Variants in ASPH observed in about 807,000 individuals in gnomAD.
ASPH encodes aspartyl/asparaginyl beta-hydroxylase.
Under a neutral mutation model 118.4 loss-of-function variants are expected in ASPH, and 100 were observed. The ratio of observed to expected loss-of-function variants is 0.84; its 90% CI spans 0.72 to 1.00. The LOEUF (loss-of-function observed/expected upper bound fraction) is 1.00. Ranked by LOEUF, ASPH falls within the 50% of genes least tolerant of loss-of-function variation. The probability of loss-of-function intolerance (pLI) is 0.00; values close to 1 mark genes in which losing one functional copy is unlikely to be tolerated. For missense variants in ASPH, 920 were observed against 919.5 expected, an observed-to-expected ratio of 1.00 and a Z score of -0.01; for synonymous variants, 315 against 325.6, an observed-to-expected ratio of 0.97 and a Z score of 0.35.
At chr8:61,669,574 C>T (rs377753272) in intron 3 of ASPH, among the ~76,000 whole-genome samples, 21 of 152,280 alleles carry the variant, frequency 1.4e-4, no homozygotes, top group African/African-American at 4.8e-4. Context: ...TATTTCCAAT[C>T]ACTCTCCACT....
chr8:61,712,427 T>TTGCGGATA, intron 1 of ASPH, among the ~76,000 whole-genome samples: 1 of 152,336 alleles, frequency 6.6e-6, no homozygotes, highest in East Asian at 1.9e-4. Flanking sequence ...AAAGAAAAGG[T>TTGCGGATA]TGCGGATATG....
intron 16 of ASPH, among the ~76,000 whole-genome samples, chr8:61,575,817 A>T (rs1004503411): frequency 6.6e-6 from 1 of 152,232 alleles, no homozygotes; most frequent in Admixed American, 6.5e-5. Context: ...TAACCAATCC[A>T]GAGCCACGCC....
intron 4 of ASPH, among the ~76,000 whole-genome samples, chr8:61,652,266 TTAC>T (rs1811398642): frequency 6.6e-6 from 1 of 152,172 alleles, no homozygotes. Flanking sequence ...ATAATCTGAG[TTAC>T]TAGAAGTGGA....
chr8:61,587,724 T>C lies in ASPH; in HGVS notation c.977-3695A>G, dbSNP rs187424510. Among the ~76,000 whole-genome samples, 6 of 152,336 alleles carry C rather than the reference T, an allele frequency of 3.9e-5. No individual in the cohort carries two copies. In the East Asian group the frequency reaches 9.6e-4, roughly 24 times the overall value. On this transcript the variant is annotated intron_variant, in intron 14 of 24. Transcript: ENST00000379454. ...TTCTATCTTTTCATATATCTTCATA[T>C]TTGATAGCTTCTAACTATTGTACCT...
rs1194598884 is a variant in ASPH at position 61,646,898 on chromosome 8, G to A, written c.491-20C>T. On this transcript the variant is annotated intron_variant, in intron 5 of 24. Transcript: ENST00000379454. ...CCTCAACTATGACAATGAACAAAGT[G>A]ACACTGGCAACATACAACTGAGACA... 1.2e-6 allele frequency: 2 copies of A among 1,613,224 alleles called. No homozygotes were observed. The highest frequency in any genetic ancestry group is 1.7e-6 in the Non-Finnish European group (2 of 1,179,590).
At chr8:61,529,123 CCA>C (rs1816601203) in intron 21 of ASPH, among the ~76,000 whole-genome samples, 1 of 152,144 alleles carries the variant, frequency 6.6e-6, no homozygotes, top group South Asian at 2.1e-4. Flanking sequence ...AGCCTAAATC[CCA>C]CAGTCTGGTG....
intron 13 of ASPH, among the ~76,000 whole-genome samples, chr8:61,619,686 A>G (rs1280952708): frequency 6.6e-6 from 1 of 152,182 alleles, no homozygotes; most frequent in Non-Finnish European, 1.5e-5. Context: ...CACCCCTCAC[A>G]TGGAAAACAA....
chr8:61,524,752 CTT>C (rs199581207), intron 22 of ASPH, among the ~76,000 whole-genome samples: 1,561 of 145,668 alleles, frequency 0.011, 21 homozygotes, highest in African/African-American at 0.037. Context: ...TTATCAAATA[CTT>C]TTTTTTTTTT....
Position 61,579,083 on chromosome 8 carries a change from G to GCTGCAGAGT in ASPH, c.1063-2234_1063-2226dup, listed in dbSNP as rs373968916. On this transcript the variant is annotated intron_variant, in intron 15 of 24. Coordinates refer to ENST00000379454, the MANE Select transcript of ASPH (RefSeq NM_004318.4). ...GCATGTACCAGATCAAGTATGAGGA[G>GCTGCAGAGT]CTGCAGAGTCTGGCTGGGAAGCACG... is the stretch of plus-strand genomic sequence containing the variant. The GCTGCAGAGT allele has an allele frequency of 2.3e-3, 3,627 of 1,610,768 alleles. 37 individuals carry two copies. In the African/African-American group the frequency reaches 0.028, roughly 13 times the overall value.
At chr8:61,552,949 T>G in intron 20 of ASPH, 82 bp downstream of exon 20, 4 of 1,199,686 alleles carry the variant, frequency 3.3e-6, no homozygotes, top group Non-Finnish European at 4.8e-6. Flanking sequence ...AAATATTTTT[T>G]GAATTCTAAC....
intron 2 of ASPH, among the ~76,000 whole-genome samples, chr8:61,681,282 T>A (rs577945656): frequency 6.6e-6 from 1 of 151,946 alleles, no homozygotes; most frequent in Admixed American, 6.6e-5. Flanking sequence ...CACAGCATTA[T>A]CTTTAAAGAT....
intron 14 of ASPH, among the ~76,000 whole-genome samples, chr8:61,616,536 C>A (rs534913670): frequency 2.0e-5 from 3 of 152,172 alleles, no homozygotes; most frequent in Non-Finnish European, 4.4e-5. Flanking sequence ...CTGTTTGGTA[C>A]ACAGATGTGC....
At position 61,646,765 on chromosome 8, in the gene ASPH, C is replaced by A. The variant is rs1474039206; in HGVS notation, c.604G>T (p.Glu202Ter). The A allele has an allele frequency of 1.2e-6, 2 of 1,612,472 alleles. No homozygotes were observed. Among genetic ancestry groups the A allele is most frequent in the Admixed American group, 3.3e-5 (2 of 59,920 alleles). The change falls in exon 6 of 25, where the codon GAA becomes TAA. Residue 202 changes from glutamate (E) to a stop codon, truncating the protein, a stop_gained. Coordinates refer to ENST00000379454, the MANE Select transcript of ASPH (RefSeq NM_004318.4). LOFTEE classifies it high-confidence loss of function. ...AGTGTTCTACCTTCATGAGATACTT[C>A]AGGTTCCAGGGTCTCAAATCTATCA... ...VDDRFETLEP[E>*]VSHEETEHSY...
At chr8:61,675,858 G>C in intron 3 of ASPH, 1 of 1,360,628 alleles carries the variant, frequency 7.3e-7, no homozygotes, top group Non-Finnish European at 9.4e-7. Context: ...CTGACTACAA[G>C]AATGAGGAGT....
At chr8:61,622,373 C>T (rs147114833) in intron 13 of ASPH, among the ~76,000 whole-genome samples, 1 of 152,298 alleles carries the variant, frequency 6.6e-6, no homozygotes, top group Non-Finnish European at 1.5e-5. Context: ...AACAGATATA[C>T]TGTACTCGTG....
chr8:61,707,389 C>T (rs1836954642), intron 1 of ASPH, among the ~76,000 whole-genome samples: 1 of 152,150 alleles, frequency 6.6e-6, no homozygotes, highest in Non-Finnish European at 1.5e-5. Flanking sequence ...AAGTTTAAAC[C>T]CTCAAGTACT....
At chr8:61,518,665 C>T (rs1811788283) in intron 22 of ASPH, among the ~76,000 whole-genome samples, 1 of 152,110 alleles carries the variant, frequency 6.6e-6, no homozygotes. Flanking sequence ...TTTTACAGTA[C>T]TGTACGGTAT....
chr8:61,709,627 G>C (rs1447147261), intron 1 of ASPH, among the ~76,000 whole-genome samples: 1 of 152,214 alleles, frequency 6.6e-6, no homozygotes, highest in Non-Finnish European at 1.5e-5. Context: ...GTTTATTAAA[G>C]AGAAGTTCAT....
chr8:61,526,180 GT>G (rs1554607117), intron 21 of ASPH, 68 bp from the exon 22 acceptor site: 21 of 1,569,568 alleles, frequency 1.3e-5, no homozygotes, highest in African/African-American at 2.8e-5. Flanking sequence ...AATGACTCTT[GT>G]TTTTTTTGAG....
Sources: gnomAD v4.1 joint callset for allele counts (sites outside exome capture counted in the v4.1 genomes callset) on GRCh38, gnomAD v4.1.1 for gene constraint, MANE v1.5 for transcripts, NCBI Gene and HGNC (gene_info 2026-07-23, HGNC 2026-07-21) for gene names.